Variants in ANOS1 observed in about 807,000 individuals in gnomAD.
The protein encoded by ANOS1 is anosmin-1.
Under a neutral mutation model 59.0 loss-of-function variants are expected in ANOS1, and 6 were observed. The observed-to-expected ratio is 0.10, with a 90% CI of 0.06 to 0.20. ANOS1 has a LOEUF of 0.20. ANOS1 is among the 10% of genes least tolerant of loss of function. The probability of loss-of-function intolerance (pLI) is 1.00; values close to 1 mark genes in which losing one functional copy is unlikely to be tolerated. For missense variants in ANOS1, 433 were observed against 542.3 expected, an observed-to-expected ratio of 0.80 and a Z score of 2.00; for synonymous variants, 217 against 223.4, an observed-to-expected ratio of 0.97 and a Z score of 0.25.
intron 3 of ANOS1, among the ~76,000 whole-genome samples, chrX:8,602,122 G>A (rs1403653831): frequency 8.9e-6 from 1 of 112,156 alleles, no homozygotes; most frequent in Admixed American, 9.5e-5. Context: ...TTTATCAAAG[G>A]GAGGTTTTGA....
At chrX:8,663,911 G>A (rs5933678) in intron 2 of ANOS1, among the ~76,000 whole-genome samples, 27,070 of 110,792 alleles carry the variant, frequency 0.24, 3,286 homozygotes, top group African/African-American at 0.46. Context: ...TTGCAGGGAC[G>A]TGGGTGGAGC....
At chrX:8,673,947 C>G in intron 2 of ANOS1, among the ~76,000 whole-genome samples, 1 of 110,931 alleles carries the variant, frequency 9.0e-6, no homozygotes, top group Middle Eastern at 4.6e-3. Flanking sequence ...AGTAATTTAC[C>G]ACCCACACTA....
intron 10 of ANOS1, among the ~76,000 whole-genome samples, chrX:8,537,997 G>A (rs1236805356): frequency 9.0e-6 from 1 of 110,936 alleles, no homozygotes; most frequent in African/African-American, 3.3e-5. Context: ...AAAAGAGACC[G>A]GGAGTGACCT....
intron 2 of ANOS1, among the ~76,000 whole-genome samples, chrX:8,673,233 G>T (rs921669871): frequency 9.2e-6 from 1 of 108,644 alleles, no homozygotes; most frequent in Non-Finnish European, 1.9e-5. Context: ...TTCCATGCAC[G>T]GCAAACAACT....
At chrX:8,573,448 G>A (rs1930267483) in intron 6 of ANOS1, among the ~76,000 whole-genome samples, 1 of 110,869 alleles carries the variant, frequency 9.0e-6, no homozygotes, top group African/African-American at 3.3e-5. Context: ...TCTCTAGACA[G>A]GAGAGTGTTC....
At chrX:8,709,593 T>C (rs763192412) in intron 1 of ANOS1, among the ~76,000 whole-genome samples, 1 of 112,157 alleles carries the variant, frequency 8.9e-6, no homozygotes, top group South Asian at 3.7e-4. Context: ...ACCATGGTTA[T>C]CTGCAAAGAG....
chrX:8,708,392 A>G (rs377638564), intron 1 of ANOS1, among the ~76,000 whole-genome samples: 1 of 112,057 alleles, frequency 8.9e-6, no homozygotes, highest in African/African-American at 3.3e-5. Context: ...TCCAGAATCT[A>G]CAAGGAACTT....
At position 8,679,342 on chromosome X, in the gene ANOS1, C is replaced by G. The variant is rs777104402; in HGVS notation, c.255+20356G>C. On this transcript the variant is annotated intron_variant, in intron 2 of 13. Transcript: ENST00000262648. ...TATGATTCCATTTGTATGAGGTTCTCAGAGTACTCGAATTCATAGAGAAGG... is the reference window on the plus strand; with the variant it reads ...TATGATTCCATTTGTATGAGGTTCTGAGAGTACTCGAATTCATAGAGAAGG... Among the ~76,000 whole-genome samples the G allele has an allele frequency of 5.4e-5, 6 of 110,783 alleles. No individual in the cohort carries two copies. The South Asian group carries it at 2.3e-3, about 43-fold the overall frequency.
At chrX:8,588,192 TTC>T (rs1303721869) in intron 4 of ANOS1, among the ~76,000 whole-genome samples, 1 of 111,536 alleles carries the variant, frequency 9.0e-6, no homozygotes, top group African/African-American at 3.3e-5. Flanking sequence ...TGTCTTTTTT[TTC>T]TTTTTTTTAA....
chrX:8,646,655 G>A (rs1931762082), intron 2 of ANOS1, among the ~76,000 whole-genome samples: 1 of 110,567 alleles, frequency 9.0e-6, no homozygotes, highest in South Asian at 4.0e-4. Flanking sequence ...TTTCTGGACC[G>A]GCGTGGTGGC....
intron 2 of ANOS1, among the ~76,000 whole-genome samples, chrX:8,680,178 A>C (rs1045689554): frequency 4.5e-4 from 48 of 107,166 alleles, no homozygotes; most frequent in Non-Finnish European, 8.5e-4. Context: ...AAAAAAAAAA[A>C]AAAAAAAGGC....
At chrX:8,569,590 C>T (rs1242766822) in intron 7 of ANOS1, among the ~76,000 whole-genome samples, 4 of 111,546 alleles carry the variant, frequency 3.6e-5, no homozygotes, top group Non-Finnish European at 5.7e-5. Flanking sequence ...TGCAGTGAGC[C>T]GAGATTGCTC....
intron 2 of ANOS1, among the ~76,000 whole-genome samples, chrX:8,670,501 C>G (rs1932237981): frequency 9.0e-6 from 1 of 110,695 alleles, no homozygotes; most frequent in Non-Finnish European, 1.9e-5. Flanking sequence ...AATGCCAGTC[C>G]TCATCTCTCC....
intron 1 of ANOS1, among the ~76,000 whole-genome samples, chrX:8,713,676 G>A (rs1932825596): frequency 1.9e-5 from 2 of 107,107 alleles, no homozygotes; most frequent in African/African-American, 3.4e-5. Flanking sequence ...GCAACGACGC[G>A]ATCTCAGCTC....
chrX:8,700,602 C>T (rs1249435447), intron 1 of ANOS1, among the ~76,000 whole-genome samples: 1 of 112,443 alleles, frequency 8.9e-6, no homozygotes, highest in Non-Finnish European at 1.9e-5. Flanking sequence ...AGACAAGAGA[C>T]TTAACATCCC....
At chrX:8,550,024 A>G (rs150628480) in intron 9 of ANOS1, among the ~76,000 whole-genome samples, 5,905 of 111,622 alleles carry the variant, frequency 0.053, 388 homozygotes, top group African/African-American at 0.18. Flanking sequence ...AAACTAAAAC[A>G]TCAAAGATAT....
At chrX:8,727,878 A>G (rs1932933599) in intron 1 of ANOS1, among the ~76,000 whole-genome samples, 1 of 112,716 alleles carries the variant, frequency 8.9e-6, no homozygotes, top group Non-Finnish European at 1.9e-5. Context: ...GCATTGCACA[A>G]TATAAAGAAG....
chrX:8,659,104 G>C (rs1931982219), intron 2 of ANOS1, among the ~76,000 whole-genome samples: 1 of 110,975 alleles, frequency 9.0e-6, no homozygotes, highest in African/African-American at 3.3e-5. Context: ...GTGTGTGCCT[G>C]TAATCCCAGC....
chrX:8,572,470 C>A (rs1429147093), intron 6 of ANOS1, among the ~76,000 whole-genome samples: 1 of 111,873 alleles, frequency 8.9e-6, no homozygotes, highest in Non-Finnish European at 1.9e-5. Context: ...GATCTTGTTC[C>A]TTTTCATGGC....
Sources: gnomAD v4.1 joint callset for allele counts (sites outside exome capture counted in the v4.1 genomes callset) on GRCh38, gnomAD v4.1.1 for gene constraint, MANE v1.5 for transcripts, NCBI Gene and HGNC (gene_info 2026-07-23, HGNC 2026-07-21) for gene names.